Variants in NOL4 observed in about 807,000 individuals in gnomAD.
The protein encoded by NOL4 is cancer/testis antigen 125.
NOL4 carries 17 observed loss-of-function variants against 75.9 expected under a neutral mutation model. The observed-to-expected ratio is 0.22, with a 90% CI of 0.15 to 0.34. The LOEUF (loss-of-function observed/expected upper bound fraction) is 0.34, where lower values mean the gene tolerates loss of function less well. Ranked by LOEUF, NOL4 falls within the 10% of genes least tolerant of loss-of-function variation. The pLI is 1.00. For missense variants in NOL4, 614 were observed against 793.5 expected (o/e 0.77, Z 2.72); for synonymous variants, 292 against 289.9 (o/e 1.01, Z -0.07).
chr18:33,893,767 T>C (rs1292935004), intron 9 of NOL4, among the ~76,000 whole-genome samples: 1 of 152,160 alleles, frequency 6.6e-6, no homozygotes, highest in East Asian at 1.9e-4. Flanking sequence ...CTTTGAAGTG[T>C]ACAAGGCATT....
At chr18:34,176,992 A>G (rs959468857) in intron 1 of NOL4, among the ~76,000 whole-genome samples, 2 of 151,896 alleles carry the variant, frequency 1.3e-5, no homozygotes, top group South Asian at 4.1e-4. Flanking sequence ...CTTTTTTTTT[A>G]AATACAGGAA....
chr18:34,024,194 A>ATATATATATATATATATATATAT (rs1555696186), intron 5 of NOL4, among the ~76,000 whole-genome samples: 25 of 70,650 alleles, frequency 3.5e-4, no homozygotes, highest in East Asian at 1.0e-3. Context: ...AAAAAAAAAA[A>ATATATATATATATATATATATAT]ATATATATAT....
rs145875802 is a variant in NOL4 at position 34,220,211 on chromosome 18, C to T, written c.264+2779G>A. ...TCTACTCTGTTCTAGTATAACCTCC[C>T]AGGTGCCATCAGTCTCTCTTTCTTT... On this transcript the variant is annotated intron_variant, in intron 1 of 10. Coordinates refer to ENST00000261592, the MANE Select transcript of NOL4 (RefSeq NM_003787.5). Among the ~76,000 whole-genome samples the T allele has an allele frequency of 3.0e-4, 46 of 152,226 alleles. No individual in the cohort carries two copies. The East Asian group carries it at 8.5e-3, about 28-fold the overall frequency.
At chr18:34,083,107 T>C (rs1290594787) in intron 5 of NOL4, among the ~76,000 whole-genome samples, 8 of 152,220 alleles carry the variant, frequency 5.3e-5, no homozygotes, top group African/African-American at 1.9e-4. Flanking sequence ...TCTGTCTTTA[T>C]ATATACACAT....
intron 9 of NOL4, among the ~76,000 whole-genome samples, chr18:33,905,596 C>G (rs1461412674): frequency 6.6e-6 from 1 of 152,150 alleles, no homozygotes; most frequent in Admixed American, 6.5e-5. Flanking sequence ...ATTGCCACTT[C>G]CACTAACCTA....
At chr18:34,077,140 T>C (rs1348413350) in intron 5 of NOL4, among the ~76,000 whole-genome samples, 1 of 151,966 alleles carries the variant, frequency 6.6e-6, no homozygotes, top group Admixed American at 6.6e-5. Flanking sequence ...ACCCGGTCTC[T>C]ACAAAAAATA....
At chr18:34,164,636 G>A (rs538568171) in intron 1 of NOL4, among the ~76,000 whole-genome samples, 1 of 152,192 alleles carries the variant, frequency 6.6e-6, no homozygotes, top group East Asian at 1.9e-4. Flanking sequence ...CTTTTACACT[G>A]TTGGTGGGAC....
intron 1 of NOL4, among the ~76,000 whole-genome samples, chr18:34,191,087 C>A (rs1425314538): frequency 6.6e-6 from 1 of 152,050 alleles, no homozygotes; most frequent in East Asian, 1.9e-4. Flanking sequence ...CTATGTTTTA[C>A]TGTGTTTTCT....
intron 6 of NOL4, among the ~76,000 whole-genome samples, chr18:33,973,120 T>C (rs1207935376): frequency 2.0e-5 from 3 of 152,252 alleles, no homozygotes. Context: ...GTTTAATCAA[T>C]TAAGCTTAAG....
At chr18:34,084,918 AAAG>A (rs1306700583) in intron 5 of NOL4, among the ~76,000 whole-genome samples, 1 of 152,230 alleles carries the variant, frequency 6.6e-6, no homozygotes, top group African/African-American at 2.4e-5. Flanking sequence ...GCTGTTTTTA[AAAG>A]AAGTAGTAGC....
rs2037360492 is a variant in NOL4 at position 34,222,147 on chromosome 18, G to A, written c.264+843C>T. On this transcript the variant is annotated intron_variant, in intron 1 of 10. Transcript: ENST00000261592. ...CCAGCCCCACTGGCTTCTGCAGCGTGAGGCTGAGATGCATTGGGCTCTCAA... is the reference window on the plus strand; with the variant it reads ...CCAGCCCCACTGGCTTCTGCAGCGTAAGGCTGAGATGCATTGGGCTCTCAA... The A allele has an allele frequency of 1.5e-5, 23 of 1,526,420 alleles. No homozygotes were observed. In the Admixed American group the frequency reaches 4.4e-4, roughly 29 times the overall value. The allele number at this position is 1,526,420 out of a possible 1,614,324, so 94.6% of individuals were successfully genotyped here.
Position 34,093,453 on chromosome 18 carries a change from T to C in NOL4, c.772+12A>G. The C allele has an allele frequency of 6.4e-7, 1 of 1,565,122 alleles. No individual in the cohort carries two copies. Among genetic ancestry groups the C allele is most frequent in the South Asian group, 1.2e-5 (1 of 83,702 alleles). Reference sequence around the variant, plus strand: ...TGTTGTTTTGCTTATTTAGTCAAACTGAAAGGCTTACCATCTTGCTGGCCA... The same window carrying C: ...TGTTGTTTTGCTTATTTAGTCAAACCGAAAGGCTTACCATCTTGCTGGCCA... On this transcript the variant is annotated intron_variant, in intron 5 of 10. Transcript: ENST00000261592.
intron 2 of NOL4, among the ~76,000 whole-genome samples, chr18:34,105,675 T>A (rs1397892297): frequency 1.3e-5 from 2 of 152,008 alleles, no homozygotes; most frequent in Non-Finnish European, 2.9e-5. Flanking sequence ...CTTATGTATA[T>A]ATTTACTGCA....
At chr18:34,045,852 C>T (rs1046226359) in intron 5 of NOL4, among the ~76,000 whole-genome samples, 5 of 151,954 alleles carry the variant, frequency 3.3e-5, no homozygotes, top group African/African-American at 7.2e-5. Flanking sequence ...AAATACAAAA[C>T]GTGTTCATAT....
intron 9 of NOL4, among the ~76,000 whole-genome samples, chr18:33,918,981 A>C (rs1469647642): frequency 6.6e-6 from 1 of 152,164 alleles, no homozygotes; most frequent in Non-Finnish European, 1.5e-5. Flanking sequence ...TAATCTATAT[A>C]TAGAGATTAC....
At chr18:33,986,810 T>C (rs2146053760) in intron 6 of NOL4, among the ~76,000 whole-genome samples, 1 of 152,256 alleles carries the variant, frequency 6.6e-6, no homozygotes, top group African/African-American at 2.4e-5. Flanking sequence ...CAAAAACCTG[T>C]TTGTAAATGT....
chr18:33,994,059 G>A (rs1051435718), intron 6 of NOL4, among the ~76,000 whole-genome samples: 2 of 151,614 alleles, frequency 1.3e-5, no homozygotes, highest in Non-Finnish European at 3.0e-5. Context: ...GAGATAAAAC[G>A]AGACATCTTA....
intron 1 of NOL4, among the ~76,000 whole-genome samples, chr18:34,191,798 G>GA (rs1409056163): frequency 6.6e-6 from 1 of 152,066 alleles, no homozygotes; most frequent in African/African-American, 2.4e-5. Context: ...AAAGGAAGCC[G>GA]ACTACGCCAG....
At chr18:33,921,889 A>C (rs2067063019) in intron 9 of NOL4, among the ~76,000 whole-genome samples, 1 of 151,920 alleles carries the variant, frequency 6.6e-6, no homozygotes, top group Admixed American at 6.6e-5. Context: ...TGATCCTCCT[A>C]CCCTACTCTT....
Sources: allele counts gnomAD v4.1 joint callset (sites outside exome capture counted in the v4.1 genomes callset), GRCh38; gene constraint gnomAD v4.1.1; transcripts MANE v1.5; gene names NCBI Gene and HGNC (gene_info 2026-07-23, HGNC 2026-07-21).